RABGAP1L: variants seen among roughly 807,000 people sequenced by gnomAD.
The protein encoded by RABGAP1L is rab GTPase-activating protein 1-like.
RABGAP1L carries 63 observed loss-of-function variants against 137.7 expected under a neutral mutation model. The ratio of observed to expected loss-of-function variants is 0.46; its 90% CI spans 0.37 to 0.56. The LOEUF (loss-of-function observed/expected upper bound fraction) is 0.56, where lower values mean the gene tolerates loss of function less well. Ranked by LOEUF, RABGAP1L falls within the 20% of genes least tolerant of loss-of-function variation. The pLI, the probability that RABGAP1L is intolerant of heterozygous loss-of-function variation, is 0.00. For missense variants in RABGAP1L, 1,095 were observed against 1,244.0 expected, an observed-to-expected ratio of 0.88 and a Z score of 1.80; for synonymous variants, 431 against 433.7, an observed-to-expected ratio of 0.99 and a Z score of 0.08.
intron 7 of RABGAP1L, among the ~76,000 whole-genome samples, chr1:174,265,563 G>A (rs1218812190): frequency 2.9e-5 from 4 of 137,586 alleles, no homozygotes; most frequent in African/African-American, 5.4e-5. Context: ...AAAAAAAAAA[G>A]TGAAGAAGGA....
chr1:174,179,763 C>T (rs1281909154), intron 1 of RABGAP1L, among the ~76,000 whole-genome samples: 1 of 152,166 alleles, frequency 6.6e-6, no homozygotes, highest in African/African-American at 2.4e-5. Flanking sequence ...ACCTTATGAA[C>T]TCTCTGAAAG....
intron 11 of RABGAP1L, among the ~76,000 whole-genome samples, chr1:174,359,928 G>T (rs1422156091): frequency 6.6e-6 from 1 of 152,180 alleles, no homozygotes; most frequent in Non-Finnish European, 1.5e-5. Flanking sequence ...TAAGTGCCTG[G>T]GGTTCCCAGC....
intron 12 of RABGAP1L, among the ~76,000 whole-genome samples, chr1:174,376,244 A>T (rs1349906918): frequency 1.3e-5 from 2 of 151,558 alleles, no homozygotes; most frequent in African/African-American, 2.4e-5. Context: ...AGAAGGAAGG[A>T]AGGAAGGGAA....
chr1:174,264,553 A>G (rs1025073333), intron 7 of RABGAP1L, among the ~76,000 whole-genome samples: 1 of 152,160 alleles, frequency 6.6e-6, no homozygotes, highest in Non-Finnish European at 1.5e-5. Flanking sequence ...AATATGTTCA[A>G]AAATCAAACT....
At chr1:174,529,472 C>G (rs558392780) in intron 13 of RABGAP1L, among the ~76,000 whole-genome samples, 1 of 152,010 alleles carries the variant, frequency 6.6e-6, no homozygotes, top group Non-Finnish European at 1.5e-5. Flanking sequence ...GGAGGTTGTG[C>G]TGGAGTTTTT....
intron 11 of RABGAP1L, among the ~76,000 whole-genome samples, chr1:174,328,016 T>TAC (rs1680700143): frequency 1.7e-5 from 2 of 117,356 alleles, no homozygotes; most frequent in African/African-American, 7.1e-5. Context: ...TATATATATA[T>TAC]ATATATATAC....
intron 20 of RABGAP1L, among the ~76,000 whole-genome samples, chr1:174,968,067 A>C (rs1246957236): frequency 6.6e-6 from 1 of 151,966 alleles, no homozygotes; most frequent in Non-Finnish European, 1.5e-5. Flanking sequence ...TGCCCTTACC[A>C]TGTGTTTCTT....
chr1:174,649,479 T>G (rs1313993141), intron 14 of RABGAP1L, among the ~76,000 whole-genome samples: 1 of 152,154 alleles, frequency 6.6e-6, no homozygotes, highest in Non-Finnish European at 1.5e-5. Context: ...TGGCTGGATA[T>G]GAAATTCTGG....
intron 18 of RABGAP1L, among the ~76,000 whole-genome samples, chr1:174,796,812 G>A (rs879745127): frequency 1.3e-5 from 2 of 152,042 alleles, no homozygotes; most frequent in Non-Finnish European, 2.9e-5. Flanking sequence ...TTGAAGACCA[G>A]CCTGGCCAAC....
chr1:174,295,527 T>G (rs1677047435), intron 10 of RABGAP1L, among the ~76,000 whole-genome samples: 1 of 151,952 alleles, frequency 6.6e-6, no homozygotes, highest in African/African-American at 2.4e-5. Context: ...GGACTACAGG[T>G]GGCCACCACC....
At chr1:174,835,781 A>C (rs1452722866) in intron 19 of RABGAP1L, among the ~76,000 whole-genome samples, 12 of 152,232 alleles carry the variant, frequency 7.9e-5, no homozygotes, top group Non-Finnish European at 1.5e-5. Flanking sequence ...TAGTATAGGC[A>C]TGTGACTGAG....
chr1:174,903,952 A>G (rs1658577851), intron 19 of RABGAP1L, among the ~76,000 whole-genome samples: 1 of 149,994 alleles, frequency 6.7e-6, no homozygotes, highest in Non-Finnish European at 1.5e-5. Flanking sequence ...CTCTGTCTCA[A>G]AAGAAAAAAA....
At chr1:174,683,058 G>GTTTTT (rs35576869) in intron 14 of RABGAP1L, among the ~76,000 whole-genome samples, 4 of 111,632 alleles carry the variant, frequency 3.6e-5, no homozygotes, top group East Asian at 2.9e-4. Context: ...TTCTAAAGGG[G>GTTTTT]TTTTTTTTTT....
chr1:174,240,031 A>G (rs181032703), intron 4 of RABGAP1L, among the ~76,000 whole-genome samples: 3 of 152,344 alleles, frequency 2.0e-5, no homozygotes, highest in South Asian at 4.1e-4. Context: ...ATGTCTTTTT[A>G]AAGAAAAATT....
intron 13 of RABGAP1L, among the ~76,000 whole-genome samples, chr1:174,461,454 G>C (rs532569898): frequency 4.6e-5 from 7 of 152,332 alleles, no homozygotes; most frequent in African/African-American, 1.4e-4. Flanking sequence ...CATGCTTGCA[G>C]GTCTGTACTG....
intron 5 of RABGAP1L, among the ~76,000 whole-genome samples, chr1:174,246,760 C>T (rs1571759058): frequency 6.6e-6 from 1 of 152,122 alleles, no homozygotes; most frequent in African/African-American, 2.4e-5. Context: ...GTCCTAGAAA[C>T]AATTCCCCAT....
chr1:174,559,190 T>G (rs1343206839), intron 13 of RABGAP1L, among the ~76,000 whole-genome samples: 1 of 152,208 alleles, frequency 6.6e-6, no homozygotes, highest in Non-Finnish European at 1.5e-5. Flanking sequence ...ACTAATATGT[T>G]TTTGAAATAG....
In RABGAP1L at chr1:174,799,621, G is replaced by A. The variant is rs7533444; in HGVS notation, c.2212-12211G>A. Among the ~76,000 whole-genome samples the A allele has an allele frequency of 3.5e-3, 525 of 152,044 alleles. 4 individuals are homozygous for A. Among genetic ancestry groups the A allele is most frequent in the African/African-American group, 0.012 (483 of 41,468 alleles). On this transcript the variant is annotated intron_variant, in intron 18 of 25. Coordinates refer to ENST00000681986, the MANE Select transcript of RABGAP1L (RefSeq NM_001366446.1). ...TGAAGGTAGACTGGGAGGGGGAAGC[G>A]CATCTGTCCAATGGCTCGCCATTGG... is the stretch of plus-strand genomic sequence containing the variant.
intron 18 of RABGAP1L, among the ~76,000 whole-genome samples, chr1:174,758,708 A>T (rs1027274838): frequency 6.6e-6 from 1 of 152,128 alleles, no homozygotes; most frequent in African/African-American, 2.4e-5. Context: ...ATGGGCACTT[A>T]GGTTGATGTT....
Sources: gnomAD v4.1 joint callset for allele counts (sites outside exome capture counted in the v4.1 genomes callset) on GRCh38, gnomAD v4.1.1 for gene constraint, MANE v1.5 for transcripts, NCBI Gene and HGNC (gene_info 2026-07-23, HGNC 2026-07-21) for gene names.